Variants in TAFA4 observed in about 807,000 individuals in gnomAD.
The protein encoded by TAFA4 is chemokine-like protein TAFA-4.
In TAFA4, 20 loss-of-function variants were observed where a neutral mutation model predicts 21.1. The ratio of observed to expected loss-of-function variants is 0.95; its 90% CI spans 0.67 to 1.38. The LOEUF is 1.38. Ranked by LOEUF, TAFA4 falls within the 40% of genes most tolerant of loss-of-function variation. The pLI, the probability that TAFA4 is intolerant of heterozygous loss-of-function variation, is 0.00. For missense variants in TAFA4, 211 were observed against 180.9 expected (o/e 1.17, Z -0.95); for synonymous variants, 71 against 67.4 (o/e 1.05, Z -0.26).
chr3:68,908,756 T>C lies in TAFA4; in HGVS notation c.-122-23446A>G, dbSNP rs1559560204. 3.3e-5 allele frequency among the ~76,000 whole-genome samples: 5 copies of C among 152,224 alleles called. 1 individual carries two copies. The South Asian group carries it at 1.0e-3, about 32-fold the overall frequency. ...GTAAAAACATTCATCTTATGTTTCA[T>C]TAACAAAAGTATACTACTCAAAAGT... On this transcript the variant is annotated intron_variant, in intron 1 of 5. Transcript: ENST00000295569.
chr3:68,909,087 G>T (rs899864750), intron 1 of TAFA4, among the ~76,000 whole-genome samples: 5 of 152,124 alleles, frequency 3.3e-5, no homozygotes, highest in African/African-American at 9.7e-5. Flanking sequence ...TTATGTATCT[G>T]CTTGTAGCTT....
At chr3:68,792,545 ATTCT>A (rs1344163020) in intron 3 of TAFA4, among the ~76,000 whole-genome samples, 3 of 152,188 alleles carry the variant, frequency 2.0e-5, no homozygotes, top group South Asian at 2.1e-4. Flanking sequence ...TTAGGATAGT[ATTCT>A]TTCTCTATTT....
At chr3:68,748,699 A>C (rs1045362620) in intron 4 of TAFA4, among the ~76,000 whole-genome samples, 1 of 151,252 alleles carries the variant, frequency 6.6e-6, no homozygotes, top group Non-Finnish European at 1.5e-5. Flanking sequence ...AGCAGAGAGC[A>C]CGCCACTGCA....
intron 1 of TAFA4, among the ~76,000 whole-genome samples, chr3:68,889,230 G>A (rs1285535273): frequency 6.6e-6 from 1 of 152,128 alleles, no homozygotes; most frequent in Non-Finnish European, 1.5e-5. Context: ...TCTTCTGCCC[G>A]ATGTGTGGGT....
At chr3:68,809,987 G>T (rs960870884) in intron 3 of TAFA4, among the ~76,000 whole-genome samples, 3 of 152,140 alleles carry the variant, frequency 2.0e-5, no homozygotes, top group African/African-American at 7.2e-5. Context: ...TTCAAATCGG[G>T]TAACAGATTT....
chr3:68,740,738 A>T (rs527236647), intron 4 of TAFA4, among the ~76,000 whole-genome samples: 1 of 152,240 alleles, frequency 6.6e-6, no homozygotes, highest in South Asian at 2.1e-4. Flanking sequence ...AATATCAAGG[A>T]CCTTTTTCCC....
At chr3:68,904,260 A>G (rs541826810) in intron 1 of TAFA4, among the ~76,000 whole-genome samples, 2 of 152,320 alleles carry the variant, frequency 1.3e-5, no homozygotes, top group South Asian at 2.1e-4. Context: ...AGCCTGTGCT[A>G]TAAATACACA....
In TAFA4 at chr3:68,906,357, C is replaced by A. The variant is rs17048139; in HGVS notation, c.-122-21047G>T. Among the ~76,000 whole-genome samples, 1,140 of 152,294 alleles carry A rather than the reference C, an allele frequency of 7.5e-3. 23 individuals carry two copies. The highest frequency in any genetic ancestry group is 0.026 in the African/African-American group (1,096 of 41,564). On this transcript the variant is annotated intron_variant, in intron 1 of 5. Transcript: ENST00000295569. ...ACTTTCAATTATTCGGGGTCTTTTA[C>A]TCTTGAGGGACTCAGTATGCAAATA...
At chr3:68,738,993 C>G in intron 5 of TAFA4, 82 bp downstream of exon 5, 1 of 1,574,990 alleles carries the variant, frequency 6.3e-7, no homozygotes, top group Non-Finnish European at 8.6e-7. Context: ...ATAATGTGTT[C>G]TTGATGGCAG....
chr3:68,856,503 A>T (rs960987041), intron 3 of TAFA4, among the ~76,000 whole-genome samples: 1 of 152,036 alleles, frequency 6.6e-6, no homozygotes, highest in Non-Finnish European at 1.5e-5. Flanking sequence ...TTCAGTCTTC[A>T]TCTTGGCCTG....
chr3:68,848,667 T>C (rs998344168), intron 3 of TAFA4, among the ~76,000 whole-genome samples: 6 of 152,166 alleles, frequency 3.9e-5, no homozygotes, highest in African/African-American at 1.4e-4. Context: ...CCTTTTAACT[T>C]TCCCCACATC....
intron 3 of TAFA4, among the ~76,000 whole-genome samples, chr3:68,791,013 AAAAC>A (rs938116109): frequency 3.9e-5 from 6 of 152,200 alleles, no homozygotes; most frequent in African/African-American, 7.2e-5. Flanking sequence ...GTAAAGAACT[AAAAC>A]AAAGTCATGG....
chr3:68,837,060 C>T (rs984013728), intron 3 of TAFA4, among the ~76,000 whole-genome samples: 42 of 152,226 alleles, frequency 2.8e-4, no homozygotes, highest in Admixed American at 7.9e-4. Context: ...CACAAGCACA[C>T]CCATTCATTT....
At chr3:68,856,205 G>A (rs1251384736) in intron 3 of TAFA4, among the ~76,000 whole-genome samples, 1 of 152,172 alleles carries the variant, frequency 6.6e-6, no homozygotes, top group Non-Finnish European at 1.5e-5. Flanking sequence ...AATCCAAACA[G>A]GGTAGTGGTT....
intron 1 of TAFA4, among the ~76,000 whole-genome samples, chr3:68,906,482 C>G (rs1428602202): frequency 1.3e-5 from 2 of 152,138 alleles, no homozygotes; most frequent in African/African-American, 4.8e-5. Context: ...CTTGCAACAG[C>G]CTTCTGAGAC....
intron 5 of TAFA4, among the ~76,000 whole-genome samples, chr3:68,733,545 T>C (rs1037541907): frequency 2.6e-5 from 4 of 152,172 alleles, no homozygotes; most frequent in African/African-American, 9.7e-5. Flanking sequence ...GCCTTTTTTA[T>C]GTTATTTTTT....
intron 1 of TAFA4, among the ~76,000 whole-genome samples, chr3:68,889,789 T>A (rs1445792482): frequency 2.6e-5 from 4 of 151,962 alleles, no homozygotes; most frequent in African/African-American, 4.8e-5. Flanking sequence ...ACAAAAAAAA[T>A]TAAAATAACC....
intron 2 of TAFA4, among the ~76,000 whole-genome samples, chr3:68,884,186 T>A (rs746958532): frequency 2.0e-5 from 3 of 152,200 alleles, no homozygotes; most frequent in Non-Finnish European, 4.4e-5. Flanking sequence ...GATCCATTCC[T>A]CCCGCTTCCC....
intron 3 of TAFA4, among the ~76,000 whole-genome samples, chr3:68,824,529 T>TA (rs1704183865): frequency 6.6e-6 from 1 of 152,196 alleles, no homozygotes; most frequent in East Asian, 1.9e-4. Flanking sequence ...TCCATTTACA[T>TA]AATCTAGGAT....
Sources: allele counts gnomAD v4.1 joint callset (sites outside exome capture counted in the v4.1 genomes callset), GRCh38; gene constraint gnomAD v4.1.1; transcripts MANE v1.5; gene names NCBI Gene and HGNC (gene_info 2026-07-23, HGNC 2026-07-21).